MYRFL: variants seen among roughly 807,000 people sequenced by gnomAD.
The protein encoded by MYRFL is myelin regulatory factor like.
A neutral mutation model predicts 109.4 loss-of-function variants in MYRFL; 88 were observed. The ratio of observed to expected loss-of-function variants is 0.80; its 90% CI spans 0.68 to 0.96. The LOEUF (loss-of-function observed/expected upper bound fraction) is 0.96. Among genes scored for constraint, MYRFL ranks in the 40% least tolerant of loss-of-function variants. The pLI, the probability that MYRFL is intolerant of heterozygous loss-of-function variation, is 0.00. For missense variants in MYRFL, 957 were observed against 954.9 expected, an observed-to-expected ratio of 1.00 and a Z score of -0.03; for synonymous variants, 324 against 320.9, an observed-to-expected ratio of 1.01 and a Z score of -0.10.
Position 69,859,223 on chromosome 12 carries a change from T to G in MYRFL, c.137+3853T>G, listed in dbSNP as rs536552414. Among the ~76,000 whole-genome samples, 24 of 152,252 alleles carry G rather than the reference T, an allele frequency of 1.6e-4. 1 individual carries two copies. In the South Asian group the frequency reaches 5.0e-3, roughly 32 times the overall value. On this transcript the variant is annotated intron_variant, in intron 2 of 24. Coordinates refer to ENST00000552032, the MANE Select transcript of MYRFL (RefSeq NM_182530.3). ...TTATGAACAGAGAACATCCTTTGTA[T>G]GATTTCAAATTTTGTTAAGGTTTGC...
Position 69,859,776 on chromosome 12 carries a change from GC to G in MYRFL, c.137+4407del, listed in dbSNP as rs1251335547. ...ATTAAAAAGTCAGGAAACAACAGGTGCTGGAGAGGATGTGGAGAAACAGGAA... is the reference window on the plus strand; with the variant it reads ...ATTAAAAAGTCAGGAAACAACAGGTGTGGAGAGGATGTGGAGAAACAGGAA... On this transcript the variant is annotated intron_variant, in intron 2 of 24. Transcript: ENST00000552032. Among the ~76,000 whole-genome samples, 5 of 152,282 alleles carry G rather than the reference GC, an allele frequency of 3.3e-5. No homozygotes were observed. In the East Asian group the frequency reaches 9.6e-4, roughly 29 times the overall value.
intron 10 of MYRFL, among the ~76,000 whole-genome samples, chr12:69,902,587 C>G (rs540663207): frequency 3.9e-5 from 6 of 152,278 alleles, no homozygotes; most frequent in African/African-American, 1.4e-4. Flanking sequence ...TTAGTACTGA[C>G]TTTTTAGATA....
At chr12:69,893,872 A>G in intron 8 of MYRFL, 32 bp downstream of exon 8, 1 of 1,117,284 alleles carries the variant, frequency 9.0e-7, no homozygotes, top group African/African-American at 1.6e-5. Flanking sequence ...TCCTTTGTGA[A>G]TGTTTTGTGA....
In MYRFL at chr12:69,825,421, A is replaced by T. The variant is rs1002524753; in HGVS notation, c.-97A>T. ...ATAAAAAGAAAATGAAGATTTTTCA[A>T]GAGCATTCGTAGGCTTCGAATCAAA... On this transcript the variant is annotated 5_prime_UTR_variant, in exon 1 of 25. In the 5' UTR this introduces an upstream ATG that the reference lacks. Coordinates refer to ENST00000552032, the MANE Select transcript of MYRFL (RefSeq NM_182530.3). 4.3e-5 allele frequency: 30 copies of T among 691,310 alleles called. No individual in the cohort carries two copies. In the Admixed American group the frequency reaches 5.9e-4, roughly 14 times the overall value. 42.8% of individuals were successfully genotyped at this position (691,310 alleles called of 1,614,324 possible).
chr12:69,886,175 T>C (rs1263682395), intron 5 of MYRFL, among the ~76,000 whole-genome samples: 1 of 152,164 alleles, frequency 6.6e-6, no homozygotes, highest in Non-Finnish European at 1.5e-5. Context: ...AGGGGAACTA[T>C]TGGCTCCTGT....
At chr12:69,905,012 G>A (rs1026496) in intron 11 of MYRFL, among the ~76,000 whole-genome samples, 51,034 of 151,922 alleles carry the variant, frequency 0.34, 9,017 homozygotes, top group African/African-American at 0.43. Context: ...GTGAAGCTGC[G>A]GTTCATATTA....
chr12:69,842,543 T>A (rs1002250560), intron 1 of MYRFL, among the ~76,000 whole-genome samples: 5 of 152,174 alleles, frequency 3.3e-5, no homozygotes, highest in African/African-American at 1.2e-4. Flanking sequence ...GCACAACACA[T>A]AATTGCTATG....
At chr12:69,873,345 G>A (rs1479402145) in intron 2 of MYRFL, among the ~76,000 whole-genome samples, 2 of 152,296 alleles carry the variant, frequency 1.3e-5, no homozygotes, top group African/African-American at 2.4e-5. Context: ...CAGCCCACGG[G>A]TGGCGGGTTG....
At chr12:69,869,498 T>A (rs973141819) in intron 2 of MYRFL, among the ~76,000 whole-genome samples, 2 of 151,972 alleles carry the variant, frequency 1.3e-5, no homozygotes, top group Admixed American at 1.3e-4. Context: ...CCATTTTAGA[T>A]TGGGTGGTCA....
At chr12:69,953,604 CCAAA>C (rs111525528) in intron 21 of MYRFL, among the ~76,000 whole-genome samples, 3 of 151,884 alleles carry the variant, frequency 2.0e-5, no homozygotes, top group East Asian at 1.9e-4. Context: ...TCCTGTCTCT[CCAAA>C]CAAACAAACA....
chr12:69,917,641 C>T (rs1053965520), intron 13 of MYRFL, among the ~76,000 whole-genome samples: 6 of 152,072 alleles, frequency 3.9e-5, no homozygotes, highest in East Asian at 1.9e-4. Flanking sequence ...ATTCTCTTTC[C>T]GTTATCTTTC....
intron 1 of MYRFL, among the ~76,000 whole-genome samples, chr12:69,850,515 AG>A (rs922197108): frequency 3.3e-5 from 5 of 152,162 alleles, no homozygotes; most frequent in African/African-American, 1.2e-4. Flanking sequence ...GATTAAGGAA[AG>A]GGGATTTAGA....
chr12:69,871,850 A>C (rs946221611), intron 2 of MYRFL, among the ~76,000 whole-genome samples: 2 of 152,092 alleles, frequency 1.3e-5, no homozygotes, highest in African/African-American at 4.8e-5. Context: ...AAGAGCTGAA[A>C]ATTTTTCTCA....
intron 13 of MYRFL, among the ~76,000 whole-genome samples, chr12:69,920,419 A>C (rs1333869341): frequency 6.6e-6 from 1 of 152,130 alleles, no homozygotes; most frequent in Non-Finnish European, 1.5e-5. Flanking sequence ...TACTCTCTTC[A>C]TTTCTCTAGA....
At position 69,825,491 on chromosome 12, in the gene MYRFL, A is replaced by G. The variant is rs1882217751; in HGVS notation, c.-27A>G. 1.4e-6 allele frequency: 1 copy of G among 700,314 alleles called. No homozygotes were observed. Among genetic ancestry groups the G allele is most frequent in the Non-Finnish European group, 2.6e-6 (1 of 383,824 alleles). 43.4% of individuals were successfully genotyped at this position (700,314 alleles called of 1,614,324 possible). A position where few individuals can be genotyped will look rare whatever the true frequency, so the allele number is the denominator to read the frequency against. ...GAGGTCTGATAACCGTTGTTTTATG[A>G]GGAAATAGTACTAGGATCACAGTAC... is the stretch of plus-strand genomic sequence containing the variant. On this transcript the variant is annotated 5_prime_UTR_variant, in exon 1 of 25. Transcript: ENST00000552032.
chr12:69,862,300 C>A (rs1884731512), intron 2 of MYRFL, among the ~76,000 whole-genome samples: 1 of 150,380 alleles, frequency 6.6e-6, no homozygotes. Flanking sequence ...TCATTGGTAG[C>A]TTGATGGGGA....
At chr12:69,942,653 C>A (rs1955697216) in intron 19 of MYRFL, among the ~76,000 whole-genome samples, 2 of 151,412 alleles carry the variant, frequency 1.3e-5, no homozygotes, top group Non-Finnish European at 2.9e-5. Flanking sequence ...TCTCACCAGT[C>A]CTATTCAACA....
intron 19 of MYRFL, among the ~76,000 whole-genome samples, chr12:69,945,000 AAT>A (rs1206587539): frequency 6.6e-6 from 1 of 152,190 alleles, no homozygotes; most frequent in Non-Finnish European, 1.5e-5. Context: ...ACGAAAATAA[AAT>A]AGATATTTAA....
intron 11 of MYRFL, 91 bp downstream of exon 11, chr12:69,903,935 C>T (rs1954275996): frequency 1.7e-6 from 2 of 1,151,960 alleles, no homozygotes; most frequent in Admixed American, 2.8e-5. Flanking sequence ...TTGAACCGCA[C>T]ATCTTTACAT....
Sources: gnomAD v4.1 joint callset for allele counts (sites outside exome capture counted in the v4.1 genomes callset) on GRCh38, gnomAD v4.1.1 for gene constraint, MANE v1.5 for transcripts, NCBI Gene and HGNC (gene_info 2026-07-23, HGNC 2026-07-21) for gene names.